SLCO6A1: variants seen among roughly 807,000 people sequenced by gnomAD.
SLCO6A1 encodes the protein cancer/testis antigen 48.
In SLCO6A1, 65 loss-of-function variants were observed where a neutral mutation model predicts 72.7. That is an observed-to-expected ratio of 0.89 (90% CI 0.73 to 1.10). SLCO6A1 has a LOEUF of 1.10. SLCO6A1 is among the 50% of genes least tolerant of loss of function. SLCO6A1 has a pLI of 0.00. For missense variants in SLCO6A1, 874 were observed against 872.6 expected (o/e 1.00, Z -0.02); for synonymous variants, 314 against 298.2 (o/e 1.05, Z -0.55).
intron 7 of SLCO6A1, among the ~76,000 whole-genome samples, chr5:102,431,890 A>C (rs768869489): frequency 1.3e-5 from 2 of 152,138 alleles, no homozygotes; most frequent in African/African-American, 4.8e-5. Context: ...GGTCTCTAAG[A>C]ATTTAATTTA....
At chr5:102,488,036 G>C (rs1752518402) in intron 1 of SLCO6A1, among the ~76,000 whole-genome samples, 1 of 152,126 alleles carries the variant, frequency 6.6e-6, no homozygotes, top group Non-Finnish European at 1.5e-5. Context: ...AATGAAAAAT[G>C]GGACAGCTGG....
chr5:102,474,690 T>C (rs1339942113), intron 4 of SLCO6A1, among the ~76,000 whole-genome samples: 1 of 152,014 alleles, frequency 6.6e-6, no homozygotes. Context: ...GAGGCTAATA[T>C]GCAGAATATA....
chr5:102,400,110 T>G (rs1056958230), intron 9 of SLCO6A1, among the ~76,000 whole-genome samples: 2 of 151,990 alleles, frequency 1.3e-5, no homozygotes, highest in African/African-American at 4.8e-5. Context: ...TTAGCTGAGA[T>G]TTAAAATATG....
intron 6 of SLCO6A1, among the ~76,000 whole-genome samples, chr5:102,456,639 G>A (rs1750732395): frequency 6.6e-6 from 1 of 152,080 alleles, no homozygotes; most frequent in Non-Finnish European, 1.5e-5. Context: ...CATGCTCATG[G>A]GTAGGAAGAA....
intron 12 of SLCO6A1, among the ~76,000 whole-genome samples, chr5:102,382,396 T>C (rs538428588): frequency 2.2e-4 from 33 of 151,882 alleles, no homozygotes; most frequent in Non-Finnish European, 3.5e-4. Flanking sequence ...TTGTAGTATA[T>C]GTTGAAATTA....
At chr5:102,389,457 C>CG (rs34181415) in intron 11 of SLCO6A1, among the ~76,000 whole-genome samples, 4 of 83,460 alleles carry the variant, frequency 4.8e-5, no homozygotes, top group East Asian at 7.8e-4. Flanking sequence ...CCCCCACCCC[C>CG]ACACACACAG....
chr5:102,423,467 G>A (rs969999595), intron 7 of SLCO6A1, among the ~76,000 whole-genome samples: 1 of 152,164 alleles, frequency 6.6e-6, no homozygotes, highest in Admixed American at 6.5e-5. Context: ...AAAAGCAGTG[G>A]TTGCAGTCCT....
chr5:102,394,662 T>A (rs1420626327), intron 10 of SLCO6A1, among the ~76,000 whole-genome samples: 2 of 152,090 alleles, frequency 1.3e-5, no homozygotes, highest in Non-Finnish European at 2.9e-5. Context: ...AGGATCTCTA[T>A]GTTTACATGA....
chr5:102,477,573 TATC>T (rs1488957653), intron 3 of SLCO6A1, 100 bp downstream of exon 3: 27 of 869,552 alleles, frequency 3.1e-5, no homozygotes, highest in Non-Finnish European at 3.3e-5. Context: ...ATTACAATGT[TATC>T]ATAAGGGCCA....
At chr5:102,426,334 C>T (rs1420878724) in intron 7 of SLCO6A1, among the ~76,000 whole-genome samples, 1 of 152,102 alleles carries the variant, frequency 6.6e-6, no homozygotes, top group African/African-American at 2.4e-5. Flanking sequence ...GAATGGGCAA[C>T]CTACAGAATG....
chr5:102,432,787 C>A (rs959188044), intron 7 of SLCO6A1, among the ~76,000 whole-genome samples: 1 of 152,076 alleles, frequency 6.6e-6, no homozygotes, highest in Non-Finnish European at 1.5e-5. Context: ...GTGAGAGTTT[C>A]CTGCATTTTC....
intron 7 of SLCO6A1, among the ~76,000 whole-genome samples, chr5:102,436,149 T>C (rs1364471470): frequency 6.6e-6 from 1 of 152,200 alleles, no homozygotes; most frequent in East Asian, 1.9e-4. Flanking sequence ...GTAATATTCT[T>C]TAGTTATTCC....
chr5:102,480,281 A>G lies in SLCO6A1; in HGVS notation c.512T>C (p.Val171Ala). ...FIAFYGDRKK[V>A]IWFVASSFLI... Reference sequence around the variant, plus strand: ...AAAGGAGGAAGCTACAAACCATATTACTTTTTTTCTGTCTCCATAGAATGC... The same window carrying G: ...AAAGGAGGAAGCTACAAACCATATTGCTTTTTTTCTGTCTCCATAGAATGC... Residue 171 changes from valine (V) to alanine (A), a missense_variant, in exon 2 of 14, where the codon GTA becomes GCA. Coordinates refer to ENST00000506729, the MANE Select transcript of SLCO6A1 (RefSeq NM_173488.5). The G allele has an allele frequency of 6.2e-7, 1 of 1,613,450 alleles. No homozygotes were observed. Among genetic ancestry groups the G allele is most frequent in the Non-Finnish European group, 8.5e-7 (1 of 1,179,674 alleles).
intron 1 of SLCO6A1, among the ~76,000 whole-genome samples, chr5:102,497,530 A>C (rs1752962100): frequency 6.6e-6 from 1 of 152,228 alleles, no homozygotes; most frequent in Admixed American, 6.5e-5. Flanking sequence ...GGACTGTGCC[A>C]GTCAGGTTCT....
At chr5:102,391,599 G>A (rs567165336) in intron 10 of SLCO6A1, among the ~76,000 whole-genome samples, 11 of 151,868 alleles carry the variant, frequency 7.2e-5, no homozygotes, top group Non-Finnish European at 1.3e-4. Flanking sequence ...TGTTCCATGG[G>A]TGAAGGAGTC....
intron 7 of SLCO6A1, among the ~76,000 whole-genome samples, chr5:102,435,575 A>C (rs886552096): frequency 6.6e-6 from 1 of 152,158 alleles, no homozygotes; most frequent in Non-Finnish European, 1.5e-5. Context: ...CATCATGGCC[A>C]GTGTAAAAGG....
intron 4 of SLCO6A1, among the ~76,000 whole-genome samples, chr5:102,464,822 G>A (rs1021138361): frequency 6.6e-6 from 1 of 152,170 alleles, no homozygotes; most frequent in Non-Finnish European, 1.5e-5. Context: ...CACAAGCCAA[G>A]CCTAAAACTA....
chr5:102,397,530 T>C (rs924661935), intron 10 of SLCO6A1, among the ~76,000 whole-genome samples: 5 of 152,170 alleles, frequency 3.3e-5, no homozygotes, highest in Admixed American at 1.3e-4. Flanking sequence ...GTGTATTTCC[T>C]GGCTTTTTTT....
chr5:102,419,797 A>G (rs748593709), intron 8 of SLCO6A1, 29 bp downstream of exon 8: 2 of 1,529,838 alleles, frequency 1.3e-6, no homozygotes, highest in African/African-American at 2.8e-5. Flanking sequence ...ATTTTGATGT[A>G]AAAGTCTAAT....
Sources: allele counts gnomAD v4.1 joint callset (sites outside exome capture counted in the v4.1 genomes callset), GRCh38; gene constraint gnomAD v4.1.1; transcripts MANE v1.5; gene names NCBI Gene and HGNC (gene_info 2026-07-23, HGNC 2026-07-21).